MRE11: variants seen among roughly 807,000 people sequenced by gnomAD.
MRE11 encodes the protein MRE11 double strand break repair nuclease, also known as double-strand break repair protein MRE11.
In MRE11, 62 loss-of-function variants were observed where a neutral mutation model predicts 91.7. The observed-to-expected ratio is 0.68, with a 90% CI of 0.55 to 0.84. The LOEUF is 0.84. Ranked by LOEUF, MRE11 falls within the 40% of genes least tolerant of loss-of-function variation. The probability of loss-of-function intolerance (pLI) is 0.00; values close to 1 mark genes in which losing one functional copy is unlikely to be tolerated. For missense variants in MRE11, 796 were observed against 852.9 expected, an observed-to-expected ratio of 0.93 and a Z score of 0.83; for synonymous variants, 273 against 271.4, an observed-to-expected ratio of 1.01 and a Z score of -0.06.
rs532109659 is a variant in MRE11, at chr11:94,458,400, A to G, written c.1500+1008T>C. ...TTTTTTATCTTTGAAATCTTTCCCA[A>G]TTAACATTAGATTAGAAATATCTTC... On this transcript the variant is annotated intron_variant, in intron 13 of 19. Transcript: ENST00000323929. Among the ~76,000 whole-genome samples the G allele has an allele frequency of 8.4e-4, 126 of 149,680 alleles. 2 individuals carry two copies. Among genetic ancestry groups the G allele is most frequent in the Non-Finnish European group, 4.5e-4 (30 of 67,384 alleles).
the MRE11 span, chr11:94,512,320 C>G: frequency 2.4e-6 from 1 of 414,878 alleles, no homozygotes; most frequent in Non-Finnish European, 4.1e-6. Context: ...ATGGAAAGTC[C>G]TTTGCTTTGG....
In MRE11 at chr11:94,419,397, C is replaced by T. The variant is rs1945104226; in HGVS notation, c.*728G>A. The T allele has an allele frequency of 1.7e-5, 4 of 229,870 alleles. No individual in the cohort carries two copies. The highest frequency in any genetic ancestry group is 3.4e-5 in the Non-Finnish European group (4 of 116,938). 14.2% of individuals were successfully genotyped at this position (229,870 alleles called of 1,614,324 possible). A position where few individuals can be genotyped will look rare whatever the true frequency, so the allele number is the denominator to read the frequency against. On this transcript the variant is annotated 3_prime_UTR_variant, in exon 20 of 20. Transcript: ENST00000323929. Reference sequence around the variant, plus strand: ...TAACCCGTTTCCTCCTAGAACTAGGCACGCATATATGTATGAAAGAGAAGA... The same window carrying T: ...TAACCCGTTTCCTCCTAGAACTAGGTACGCATATATGTATGAAAGAGAAGA...
At chr11:94,498,524 C>G, upstream of MRE11, 1 of 1,608,166 alleles carries the variant, frequency 6.2e-7, no homozygotes, top group Admixed American at 1.7e-5. Context: ...TTCTTCACCT[C>G]AGTCTTAACA....
upstream of MRE11, chr11:94,496,471 G>A (rs1051793551): frequency 3.1e-5 from 13 of 415,168 alleles, no homozygotes; most frequent in African/African-American, 2.6e-4. Context: ...AGTATTTAGT[G>A]TATGTAAGGG....
intron 18 of MRE11, among the ~76,000 whole-genome samples, chr11:94,432,939 T>A (rs1945504174): frequency 6.6e-6 from 1 of 152,254 alleles, no homozygotes; most frequent in African/African-American, 2.4e-5. Context: ...ACATCTAAAG[T>A]GGAACTTTTA....
chr11:94,442,348 T>A (rs1945803905), intron 16 of MRE11, among the ~76,000 whole-genome samples: 1 of 152,120 alleles, frequency 6.6e-6, no homozygotes, highest in African/African-American at 2.4e-5. Flanking sequence ...TTAACTGATA[T>A]CTGATTTCTT....
At chr11:94,478,629 T>A in intron 6 of MRE11, 106 bp downstream of exon 6, 2 of 1,322,992 alleles carry the variant, frequency 1.5e-6, no homozygotes, top group Non-Finnish European at 2.1e-6. Flanking sequence ...CAATAAAGAA[T>A]AAGGTTTGCC....
chr11:94,475,664 T>C (rs1946833594), intron 7 of MRE11: 1 of 455,620 alleles, frequency 2.2e-6, no homozygotes, highest in African/African-American at 2.0e-5. Flanking sequence ...AAAAGAAAGG[T>C]AATCTAGCTA....
At chr11:94,441,977 CAAAA>C (rs35673778) in intron 16 of MRE11, among the ~76,000 whole-genome samples, 2 of 48,224 alleles carry the variant, frequency 4.1e-5, no homozygotes, top group African/African-American at 7.7e-5. Context: ...GACTCTGTCT[CAAAA>C]AAAAAAAAAA....
At chr11:94,470,787 C>G in intron 8 of MRE11, 145 bp from the exon 9 acceptor site, 1 of 904,020 alleles carries the variant, frequency 1.1e-6, no homozygotes, top group Non-Finnish European at 1.7e-6. Context: ...GCTAATTTAA[C>G]CTTAATGTTA....
intron 7 of MRE11, among the ~76,000 whole-genome samples, chr11:94,474,182 T>C (rs1289498929): frequency 6.6e-6 from 1 of 152,090 alleles, no homozygotes; most frequent in Admixed American, 6.6e-5. Flanking sequence ...CTTGGAGAAA[T>C]GGTTGATTCC....
chr11:94,445,736 G>C, intron 16 of MRE11, 74 bp downstream of exon 16: 2 of 1,067,470 alleles, frequency 1.9e-6, no homozygotes, highest in Non-Finnish European at 2.9e-6. Flanking sequence ...ACACAAATAA[G>C]GGCTACCAAT....
At chr11:94,460,236 G>A (rs1413751818) in intron 12 of MRE11, among the ~76,000 whole-genome samples, 1 of 151,190 alleles carries the variant, frequency 6.6e-6, no homozygotes, top group Non-Finnish European at 1.5e-5. Context: ...TCCTGTGTAC[G>A]ATTTCTGACC....
intron 19 of MRE11, among the ~76,000 whole-genome samples, chr11:94,423,358 G>T (rs1480390626): frequency 6.6e-6 from 1 of 152,184 alleles, no homozygotes; most frequent in Non-Finnish European, 1.5e-5. Context: ...CCCTGGAGAC[G>T]TTTCAACTGG....
In MRE11 at chr11:94,418,915, A is replaced by G. The variant is rs1945091978; in HGVS notation, c.*1210T>C. The G allele has an allele frequency of 8.7e-6, 2 of 230,834 alleles. No individual in the cohort carries two copies. The highest frequency in any genetic ancestry group is 5.6e-5 in the Admixed American group (1 of 17,722). 14.3% of individuals were successfully genotyped at this position (230,834 alleles called of 1,614,324 possible). A position where few individuals can be genotyped will look rare whatever the true frequency, so the allele number is the denominator to read the frequency against. On this transcript the variant is annotated 3_prime_UTR_variant, in exon 20 of 20. Transcript: ENST00000323929. ...TGTCTCTTATAATTTGACACATTCC[A>G]GGTATGACTATTCTAATGGTCATGA...
At chr11:94,491,797 C>A (rs1249985510) in intron 2 of MRE11, among the ~76,000 whole-genome samples, 1 of 152,134 alleles carries the variant, frequency 6.6e-6, no homozygotes, top group African/African-American at 2.4e-5. Context: ...AAATTCAAAT[C>A]TTTACAAACA....
upstream of MRE11, chr11:94,496,643 G>T: frequency 6.8e-7 from 1 of 1,467,756 alleles, no homozygotes; most frequent in South Asian, 1.4e-5. Flanking sequence ...TCTCTAGAAA[G>T]ATTTATATCC....
chr11:94,443,472 G>A (rs999343484), intron 16 of MRE11, among the ~76,000 whole-genome samples: 1 of 152,164 alleles, frequency 6.6e-6, no homozygotes, highest in African/African-American at 2.4e-5. Context: ...AGCTATTATT[G>A]CTACTATTAG....
chr11:94,464,187 T>A lies in MRE11; in HGVS notation c.1151A>T (p.Lys384Ile), dbSNP rs1193534253. 6.2e-7 allele frequency: 1 copy of A among 1,613,998 alleles called. No homozygotes were observed. The highest frequency in any genetic ancestry group is 1.7e-5 in the Admixed American group (1 of 60,020). Residue 384 changes from lysine (K) to isoleucine (I), a missense_variant, in exon 11 of 20, where the codon AAA becomes ATA. Lys to Ile is a moderately radical substitution (Grantham distance 102). Transcript: ENST00000323929. ...EPFSVLRFSQ[K>I]FVDRVANPKD... is the part of the protein sequence containing the mutation. ...TGGATTAGCTACCCGATCCACAAATTTCTGGCTAAAGCGAAGAACACTGAA... is the reference window on the plus strand; with the variant it reads ...TGGATTAGCTACCCGATCCACAAATATCTGGCTAAAGCGAAGAACACTGAA...
Sources: allele counts gnomAD v4.1 joint callset (sites outside exome capture counted in the v4.1 genomes callset), GRCh38; gene constraint gnomAD v4.1.1; transcripts MANE v1.5; gene names NCBI Gene and HGNC (gene_info 2026-07-23, HGNC 2026-07-21).